ZNF420: variants seen among roughly 807,000 people sequenced by gnomAD.
ZNF420 encodes the protein ATM and p53-associated KZNF protein.
Under a neutral mutation model 44.7 loss-of-function variants are expected in ZNF420, and 31 were observed. That is an observed-to-expected ratio of 0.69 (90% confidence interval 0.52 to 0.94). The LOEUF (loss-of-function observed/expected upper bound fraction) is 0.94, where lower values mean the gene tolerates loss of function less well. Among genes scored for constraint, ZNF420 ranks in the 40% least tolerant of loss-of-function variants. The pLI is 0.00. For synonymous variants in ZNF420, 245 were observed against 267.4 expected, an observed-to-expected ratio of 0.92 and a Z score of 0.82; for missense variants, 681 against 827.9, an observed-to-expected ratio of 0.82 and a Z score of 2.18.
intron 1 of ZNF420, among the ~76,000 whole-genome samples, chr19:37,059,397 C>T (rs1389888239): frequency 6.6e-6 from 1 of 152,246 alleles, no homozygotes; most frequent in Non-Finnish European, 1.5e-5. Context: ...AGCGGATTCT[C>T]ACCGTTGTCT....
chr19:37,042,827 G>T (rs963219799), intron 1 of ZNF420, among the ~76,000 whole-genome samples: 1 of 152,144 alleles, frequency 6.6e-6, no homozygotes, highest in African/African-American at 2.4e-5. Flanking sequence ...TCCTCATTAA[G>T]CCTAATCGTT....
At chr19:37,008,945 C>T (rs2074548450) in intron 1 of ZNF420, among the ~76,000 whole-genome samples, 1 of 152,210 alleles carries the variant, frequency 6.6e-6, no homozygotes, top group Non-Finnish European at 1.5e-5. Context: ...GTGGATTGGG[C>T]ACGTGTGAAG....
intron 4 of ZNF420, among the ~76,000 whole-genome samples, chr19:37,117,852 C>T (rs191826890): frequency 1.3e-4 from 20 of 152,256 alleles, no homozygotes; most frequent in African/African-American, 4.1e-4. Flanking sequence ...CCGACACGAT[C>T]AACTGGAAGA....
intron 4 of ZNF420, among the ~76,000 whole-genome samples, chr19:37,097,090 G>C (rs529531341): frequency 7.2e-5 from 11 of 151,838 alleles, no homozygotes; most frequent in Admixed American, 7.2e-4. Context: ...GTAGAGACAG[G>C]GTTTCACTAT....
Position 37,129,278 on chromosome 19 carries a change from A to G in ZNF420, c.*220A>G. 1 of 563,292 alleles carries G rather than the reference A, an allele frequency of 1.8e-6. No homozygotes were observed. 34.9% of individuals were successfully genotyped at this position (563,292 alleles called of 1,614,324 possible). A position where few individuals can be genotyped will look rare whatever the true frequency, so the allele number is the denominator to read the frequency against. On this transcript the variant is annotated 3_prime_UTR_variant, in exon 5 of 5. Coordinates refer to ENST00000337995, the MANE Select transcript of ZNF420 (RefSeq NM_144689.5). ...AGAATAGTTTTAATATAGTAAATGT[A>G]GGAAGCCCTTTAGCCATATTGAAAA...
intron 4 of ZNF420, among the ~76,000 whole-genome samples, chr19:37,096,994 G>C (rs1017500151): frequency 6.6e-6 from 1 of 151,118 alleles, no homozygotes; most frequent in African/African-American, 2.4e-5. Context: ...CGACTCCCCA[G>C]TTCAAGGGAT....
At chr19:37,060,040 C>T (rs1301295252) in intron 1 of ZNF420, among the ~76,000 whole-genome samples, 2 of 152,094 alleles carry the variant, frequency 1.3e-5, no homozygotes, top group African/African-American at 2.4e-5. Context: ...GGTCACGTGG[C>T]TGGTTGTCTC....
At chr19:37,122,404 A>G (rs1182730399) in intron 4 of ZNF420, among the ~76,000 whole-genome samples, 1 of 143,924 alleles carries the variant, frequency 6.9e-6, no homozygotes, top group Non-Finnish European at 1.5e-5. Context: ...ATAGGTGGGA[A>G]TTGAACAGTG....
At chr19:37,100,394 C>T (rs1969700641) in intron 4 of ZNF420, among the ~76,000 whole-genome samples, 1 of 152,070 alleles carries the variant, frequency 6.6e-6, no homozygotes, top group Non-Finnish European at 1.5e-5. Flanking sequence ...AGTTTGATGC[C>T]TCCAGCTTGG....
intron 1 of ZNF420, among the ~76,000 whole-genome samples, chr19:37,026,801 A>G (rs981323495): frequency 6.6e-6 from 1 of 152,254 alleles, no homozygotes; most frequent in African/African-American, 2.4e-5. Flanking sequence ...TTTGGAGGAA[A>G]TATTTATAAC....
chr19:37,048,811 C>T (rs1967588365), intron 1 of ZNF420, among the ~76,000 whole-genome samples: 1 of 151,828 alleles, frequency 6.6e-6, no homozygotes, highest in African/African-American at 2.4e-5. Context: ...TGGTGTGCTG[C>T]ACCCATTAAC....
intron 1 of ZNF420, among the ~76,000 whole-genome samples, chr19:37,032,365 C>T (rs993988557): frequency 6.6e-6 from 1 of 151,490 alleles, no homozygotes; most frequent in Non-Finnish European, 1.5e-5. Flanking sequence ...ATTAGCCAGG[C>T]GTGGTTGTGC....
chr19:37,039,544 G>A (rs956249967), intron 1 of ZNF420, among the ~76,000 whole-genome samples: 3 of 152,196 alleles, frequency 2.0e-5, no homozygotes, highest in Non-Finnish European at 4.4e-5. Flanking sequence ...AACACATGCA[G>A]TAAACAGCTG....
chr19:37,103,267 TTA>T (rs1422979275), intron 4 of ZNF420, among the ~76,000 whole-genome samples: 2 of 151,814 alleles, frequency 1.3e-5, no homozygotes, highest in East Asian at 1.9e-4. Context: ...AATTCTAGGA[TTA>T]TATGTTTTTT....
chr19:37,127,160 T>A lies in ZNF420; in HGVS notation c.169T>A (p.Ser57Thr). ...LPSRCASKDL[S>T]PEKNTYETEL... ...TTCAAGGTGTGCAAGTAAGGACTTA[T>A]CTCCAGAAAAGAACACTTATGAAAC... Residue 57 changes from serine (S) to threonine (T), a missense_variant, in exon 5 of 5, where the codon TCT becomes ACT. This residue lies in a region of ZNF420 where 350 missense variants were observed against 382.5 expected (regional missense o/e 0.92). Transcript: ENST00000337995. 6.5e-7 allele frequency: 1 copy of A among 1,541,298 alleles called. No homozygotes were observed. The highest frequency in any genetic ancestry group is 2.3e-5 in the East Asian group (1 of 44,078).
intron 1 of ZNF420, among the ~76,000 whole-genome samples, chr19:37,029,037 A>G (rs1967203122): frequency 6.6e-6 from 1 of 152,216 alleles, no homozygotes; most frequent in African/African-American, 2.4e-5. Flanking sequence ...CTCACCAGAA[A>G]TTGATTATCG....
At chr19:37,122,438 G>C (rs532357114) in intron 4 of ZNF420, among the ~76,000 whole-genome samples, 144 of 120,774 alleles carry the variant, frequency 1.2e-3, no homozygotes, top group South Asian at 6.4e-3. Flanking sequence ...ACAGGAAGGG[G>C]AACATCACAC....
At chr19:37,016,999 G>T (rs1034811679) in intron 1 of ZNF420, among the ~76,000 whole-genome samples, 1 of 152,180 alleles carries the variant, frequency 6.6e-6, no homozygotes, top group Admixed American at 6.5e-5. Context: ...TTTGCCAATG[G>T]ATAAGTGCAG....
chr19:37,030,959 C>T (rs915167801), intron 1 of ZNF420, among the ~76,000 whole-genome samples: 1 of 152,108 alleles, frequency 6.6e-6, no homozygotes, highest in Admixed American at 6.5e-5. Flanking sequence ...GTGGCATGAT[C>T]TTGGCTCACT....
Sources: allele counts gnomAD v4.1 joint callset (sites outside exome capture counted in the v4.1 genomes callset), GRCh38; gene constraint gnomAD v4.1.1; regional missense constraint gnomAD v4.1.1; transcripts MANE v1.5; gene names NCBI Gene and HGNC (gene_info 2026-07-23, HGNC 2026-07-21).